The following DPYSL5 variants were observed in gnomAD, a reference collection of about 807,000 sequenced individuals.
DPYSL5 encodes the protein dihydropyrimidinase like 5, also known as dihydropyrimidinase-related protein 5.
Under a neutral mutation model 58.4 loss-of-function variants are expected in DPYSL5, and 9 were observed. The ratio of observed to expected loss-of-function variants is 0.15; its 90% CI spans 0.09 to 0.27. The LOEUF (loss-of-function observed/expected upper bound fraction) is 0.27, where lower values mean the gene tolerates loss of function less well. Ranked by LOEUF, DPYSL5 falls within the 10% of genes least tolerant of loss-of-function variation. DPYSL5 has a pLI of 1.00. For missense variants in DPYSL5, 499 were observed against 770.6 expected, an observed-to-expected ratio of 0.65 and a Z score of 4.17; for synonymous variants, 293 against 301.9, an observed-to-expected ratio of 0.97 and a Z score of 0.31.
Position 26,898,367 on chromosome 2 carries a change from G to A in DPYSL5, c.-4-129G>A, listed in dbSNP as rs1263485079. On this transcript the variant is annotated intron_variant, in intron 1 of 12. Coordinates refer to ENST00000288699, the MANE Select transcript of DPYSL5 (RefSeq NM_020134.4). This position sits in a 1 kb window ranked among gnomAD's most constrained non-coding sequence, Gnocchi z 6.1. ...GGGAGGCTTGTGACTCCCGCTGGCT[G>A]TAGGGGAAAGTTCCTCCTCTTCTCT... The A allele has an allele frequency of 1.5e-6, 2 of 1,315,270 alleles. No individual in the cohort carries two copies. Among genetic ancestry groups the A allele is most frequent in the Non-Finnish European group, 1.1e-6 (1 of 950,568 alleles). 81.5% of individuals were successfully genotyped at this position (1,315,270 alleles called of 1,614,324 possible).
At chr2:26,872,219 G>C (rs1439417707) in intron 1 of DPYSL5, among the ~76,000 whole-genome samples, 1 of 152,200 alleles carries the variant, frequency 6.6e-6, no homozygotes, top group Non-Finnish European at 1.5e-5. Context: ...GATGGCTGGA[G>C]TTGCGGGTGC....
chr2:26,865,548 C>T (rs1004621105), intron 1 of DPYSL5, among the ~76,000 whole-genome samples: 6 of 152,052 alleles, frequency 3.9e-5, no homozygotes, highest in South Asian at 4.1e-4. Flanking sequence ...CTCCTGACCT[C>T]GTGATCCTTC....
chr2:26,882,014 G>A (rs1343303754), intron 1 of DPYSL5, among the ~76,000 whole-genome samples: 1 of 149,422 alleles, frequency 6.7e-6, no homozygotes, highest in Non-Finnish European at 1.5e-5. Flanking sequence ...TGGCGTGAAC[G>A]CGGGAGGCAG....
At chr2:26,862,585 T>C (rs935321897) in intron 1 of DPYSL5, among the ~76,000 whole-genome samples, 1 of 152,158 alleles carries the variant, frequency 6.6e-6, no homozygotes, top group African/African-American at 2.4e-5. Flanking sequence ...CATTGCATGT[T>C]TGTTGATTAT....
chr2:26,852,887 A>T (rs1665791434), intron 1 of DPYSL5, among the ~76,000 whole-genome samples: 1 of 152,204 alleles, frequency 6.6e-6, no homozygotes, highest in African/African-American at 2.4e-5. Context: ...AGTGCTCAGT[A>T]AAAGTTATCA....
chr2:26,928,704 T>TACACACACACACACACACACCCACAC (rs1553320464), intron 5 of DPYSL5, among the ~76,000 whole-genome samples: 1 of 62,966 alleles, frequency 1.6e-5, no homozygotes, highest in Non-Finnish European at 3.3e-5. Flanking sequence ...TATATATATA[T>TACACACACACACACACACACCCACAC]ACACACACAC....
chr2:26,856,005 T>C (rs1049133465), intron 1 of DPYSL5, among the ~76,000 whole-genome samples: 13 of 152,232 alleles, frequency 8.5e-5, no homozygotes, highest in African/African-American at 3.1e-4. Context: ...GTTTTAAGTT[T>C]GCCGTATTGT....
intron 1 of DPYSL5, among the ~76,000 whole-genome samples, chr2:26,874,162 G>T (rs1329837924): frequency 6.6e-6 from 1 of 151,904 alleles, no homozygotes; most frequent in Non-Finnish European, 1.5e-5. Context: ...TTATATTCTG[G>T]ATATAAGTCC....
intron 2 of DPYSL5, among the ~76,000 whole-genome samples, chr2:26,911,760 C>T (rs375595688): frequency 6.6e-6 from 1 of 152,134 alleles, no homozygotes; most frequent in African/African-American, 2.4e-5. Flanking sequence ...CCATTCTTTA[C>T]AGAATCCTTT....
At position 26,849,767 on chromosome 2, in the gene DPYSL5, C is replaced by G. The variant is rs1166858402; in HGVS notation, c.-5+1513C>G. Among the ~76,000 whole-genome samples, 1 of 152,204 alleles carries G rather than the reference C, an allele frequency of 6.6e-6. No homozygotes were observed. The highest frequency in any genetic ancestry group is 1.5e-5 in the Non-Finnish European group (1 of 68,012). On this transcript the variant is annotated intron_variant, in intron 1 of 12. Coordinates refer to ENST00000288699, the MANE Select transcript of DPYSL5 (RefSeq NM_020134.4). The surrounding 1 kb of genome is among the most constrained non-coding windows in gnomAD (Gnocchi z 6.2). Reference sequence around the variant, plus strand: ...CTGGGAATACTCCCTGCGGAACCTCCGGGCACGTGCTGGCTTTGGGGTTTT... The same window carrying G: ...CTGGGAATACTCCCTGCGGAACCTCGGGGCACGTGCTGGCTTTGGGGTTTT...
chr2:26,901,482 TA>T (rs1426756889), intron 2 of DPYSL5, among the ~76,000 whole-genome samples: 1 of 151,698 alleles, frequency 6.6e-6, no homozygotes, highest in Admixed American at 6.6e-5. Flanking sequence ...CCGCGGAGAG[TA>T]AATGCTCTCC....
At chr2:26,931,211 A>ATATATATATATATATATG (rs1664978682) in intron 5 of DPYSL5, among the ~76,000 whole-genome samples, 2 of 75,470 alleles carry the variant, frequency 2.7e-5, no homozygotes, top group South Asian at 9.8e-4. Context: ...GTGTATATAT[A>ATATATATATATATATATG]TATATATATA....
chr2:26,939,710 T>C (rs2083412), intron 8 of DPYSL5: 261,199 of 266,330 alleles, frequency 0.98, 128,315 homozygotes, highest in East Asian at 1. Flanking sequence ...AGAGTAGAAC[T>C]ACCTCCACCA....
intron 1 of DPYSL5, among the ~76,000 whole-genome samples, chr2:26,885,327 G>A (rs1663690338): frequency 6.6e-6 from 1 of 152,178 alleles, no homozygotes; most frequent in Non-Finnish European, 1.5e-5. Flanking sequence ...CTCGGAAGAG[G>A]ATGTTCTGGT....
chr2:26,921,228 G>C (rs1470221581), intron 2 of DPYSL5, among the ~76,000 whole-genome samples: 3 of 152,200 alleles, frequency 2.0e-5, no homozygotes, highest in Non-Finnish European at 4.4e-5. Context: ...GCTCGGCCTG[G>C]CGTGGTGGCT....
At chr2:26,930,483 T>A (rs1418669018) in intron 5 of DPYSL5, among the ~76,000 whole-genome samples, 1 of 152,146 alleles carries the variant, frequency 6.6e-6, no homozygotes, top group African/African-American at 2.4e-5. Context: ...CAGAAGCCAG[T>A]GATACTGCTA....
At chr2:26,853,432 C>T (rs896286472) in intron 1 of DPYSL5, among the ~76,000 whole-genome samples, 1 of 152,138 alleles carries the variant, frequency 6.6e-6, no homozygotes, top group African/African-American at 2.4e-5. Flanking sequence ...GTTCTGATTA[C>T]TATGCATTAG....
At chr2:26,886,452 G>A (rs1351217158) in intron 1 of DPYSL5, among the ~76,000 whole-genome samples, 2 of 152,084 alleles carry the variant, frequency 1.3e-5, no homozygotes, top group African/African-American at 4.8e-5. Flanking sequence ...ATGATATTAA[G>A]CTGCAGCTAC....
chr2:26,882,090 CAAAAAAAAA>C (rs752138649), intron 1 of DPYSL5, among the ~76,000 whole-genome samples: 6 of 41,088 alleles, frequency 1.5e-4, no homozygotes, highest in African/African-American at 4.0e-4. Flanking sequence ...GACTCCATCT[CAAAAAAAAA>C]AAAAAAAAAA....
Sources: allele counts gnomAD v4.1 joint callset (sites outside exome capture counted in the v4.1 genomes callset), GRCh38; gene constraint gnomAD v4.1.1; non-coding constraint Gnocchi (gnomAD v3.1); transcripts MANE v1.5; gene names NCBI Gene and HGNC (gene_info 2026-07-23, HGNC 2026-07-21).